TP63: variants seen among roughly 807,000 people sequenced by gnomAD.
The protein encoded by TP63 is tumor protein 63.
In TP63, 17 loss-of-function variants were observed where a neutral mutation model predicts 82.8. The observed-to-expected ratio is 0.21, with a 90% confidence interval of 0.14 to 0.31. The LOEUF (loss-of-function observed/expected upper bound fraction) is 0.31, where lower values mean the gene tolerates loss of function less well. TP63 is among the 10% of genes least tolerant of loss of function. The probability of loss-of-function intolerance (pLI) is 1.00; values close to 1 mark genes in which losing one functional copy is unlikely to be tolerated. For missense variants in TP63, 648 were observed against 895.3 expected, an observed-to-expected ratio of 0.72 and a Z score of 3.52; for synonymous variants, 330 against 321.7, an observed-to-expected ratio of 1.03 and a Z score of -0.28.
intron 10 of TP63, chr3:189,881,184 G>C: frequency 1.0e-6 from 1 of 982,572 alleles, no homozygotes; most frequent in Non-Finnish European, 1.2e-6. Context: ...GGAGACTTAC[G>C]TTTTGAGTAA....
chr3:189,870,028 C>A (rs574318379), intron 9 of TP63, among the ~76,000 whole-genome samples: 1 of 152,120 alleles, frequency 6.6e-6, no homozygotes, highest in African/African-American at 2.4e-5. Context: ...AAGCTAAACT[C>A]CTAACAGAAT....
chr3:189,675,903 A>G (rs1030884151), intron 1 of TP63, among the ~76,000 whole-genome samples: 13 of 151,982 alleles, frequency 8.6e-5, no homozygotes, highest in African/African-American at 3.1e-4. Flanking sequence ...CAGAATAAGC[A>G]TGTGCTCCCA....
At position 189,895,014 on chromosome 3, in the gene TP63, T is replaced by C. The variant is rs566575979; in HGVS notation, c.*512T>C. The C allele has an allele frequency of 1.2e-4, 26 of 220,674 alleles. No homozygotes were observed. Among genetic ancestry groups the C allele is most frequent in the African/African-American group, 5.6e-4 (25 of 44,596 alleles). 13.7% of individuals were successfully genotyped at this position (220,674 alleles called of 1,614,324 possible). A position where few individuals can be genotyped will look rare whatever the true frequency, so the allele number is the denominator to read the frequency against. ...GGGGTATCATGTATGGTGATAGGTATCTAGAGCTTAATGCTACATGTGAGT... is the reference window on the plus strand; with the variant it reads ...GGGGTATCATGTATGGTGATAGGTACCTAGAGCTTAATGCTACATGTGAGT... On this transcript the variant is annotated 3_prime_UTR_variant, in exon 14 of 14. Coordinates refer to ENST00000264731, the MANE Select transcript of TP63 (RefSeq NM_003722.5).
intron 1 of TP63, among the ~76,000 whole-genome samples, chr3:189,716,184 T>G (rs557344396): frequency 2.0e-5 from 3 of 152,358 alleles, no homozygotes; most frequent in South Asian, 4.1e-4. Context: ...CAGTGCTCAA[T>G]GCATCCGTTA....
At chr3:189,791,394 A>C (rs1055734613) in intron 3 of TP63, among the ~76,000 whole-genome samples, 1 of 152,134 alleles carries the variant, frequency 6.6e-6, no homozygotes, top group Non-Finnish European at 1.5e-5. Flanking sequence ...AAGCAATTGC[A>C]TTAATGTTGT....
chr3:189,701,036 A>G (rs1717761441), intron 1 of TP63, among the ~76,000 whole-genome samples: 1 of 152,208 alleles, frequency 6.6e-6, no homozygotes. Context: ...AGAAAGGATC[A>G]TTTAATATTT....
intron 3 of TP63, among the ~76,000 whole-genome samples, chr3:189,767,295 A>C (rs1310401867): frequency 6.6e-6 from 1 of 152,168 alleles, no homozygotes; most frequent in Non-Finnish European, 1.5e-5. Flanking sequence ...AGAAAAAAAA[A>C]CATGAACAGT....
intron 1 of TP63, among the ~76,000 whole-genome samples, chr3:189,666,336 T>C (rs896767485): frequency 6.6e-6 from 1 of 152,096 alleles, no homozygotes; most frequent in African/African-American, 2.4e-5. Context: ...TTTGACATTC[T>C]ACTATCATTC....
intron 1 of TP63, among the ~76,000 whole-genome samples, chr3:189,690,213 C>A (rs1222390966): frequency 1.3e-5 from 2 of 152,140 alleles, no homozygotes; most frequent in Non-Finnish European, 2.9e-5. Flanking sequence ...TGGGAAAAAT[C>A]ATCTACAAAT....
intron 3 of TP63, among the ~76,000 whole-genome samples, chr3:189,776,118 G>A (rs554265854): frequency 3.9e-5 from 6 of 152,104 alleles, no homozygotes; most frequent in Non-Finnish European, 8.8e-5. Context: ...AAAAATAGTT[G>A]CAAAACATTG....
chr3:189,849,533 G>A (rs992176573), intron 4 of TP63, among the ~76,000 whole-genome samples: 5 of 152,046 alleles, frequency 3.3e-5, no homozygotes, highest in Non-Finnish European at 7.4e-5. Context: ...GATTGTTGCT[G>A]TGGTAATGTG....
intron 10 of TP63, among the ~76,000 whole-genome samples, chr3:189,877,418 A>G (rs1235783688): frequency 2.6e-5 from 4 of 152,010 alleles, no homozygotes; most frequent in African/African-American, 9.7e-5. Context: ...TTCTTTTTTC[A>G]TTTGTTAGTT....
In TP63 at chr3:189,631,537, T is replaced by C. The variant is rs1729455233; in HGVS notation, c.22T>C (p.Cys8Arg). The C allele has an allele frequency of 6.2e-7, 1 of 1,612,802 alleles. No individual in the cohort carries two copies. MNFETSR[C>R]ATLQYCPDPY... The stretch of plus-strand genomic sequence containing the variant: ...GGAAATGAATTTTGAAACTTCACGG[T>C]GTGCCACCCTACAGTACTGCCCTGA... Residue 8 changes from cysteine to arginine, a missense_variant, in exon 1 of 14, where the codon TGT (cysteine) becomes CGT (arginine). This residue lies in a region of TP63 where 182 missense variants were observed against 213.6 expected (regional missense o/e 0.85). Transcript: ENST00000264731.
intron 1 of TP63, among the ~76,000 whole-genome samples, chr3:189,710,859 C>A (rs1021616820): frequency 4.6e-5 from 7 of 152,162 alleles, no homozygotes; most frequent in African/African-American, 1.7e-4. Flanking sequence ...GTGATGTCTA[C>A]AAATCACAGC....
intron 4 of TP63, among the ~76,000 whole-genome samples, chr3:189,837,184 C>G (rs1713278722): frequency 6.6e-6 from 1 of 151,070 alleles, no homozygotes; most frequent in Non-Finnish European, 1.5e-5. Context: ...TGCCCTGTCT[C>G]CTGCTACTTC....
chr3:189,790,500 G>A (rs1576961790), intron 3 of TP63, among the ~76,000 whole-genome samples: 1 of 151,898 alleles, frequency 6.6e-6, no homozygotes, highest in Non-Finnish European at 1.5e-5. Context: ...TAGCATACAG[G>A]ATTTTATTTA....
chr3:189,689,754 T>C (rs1716766920), intron 1 of TP63, among the ~76,000 whole-genome samples: 1 of 152,206 alleles, frequency 6.6e-6, no homozygotes, highest in Non-Finnish European at 1.5e-5. Context: ...CTTAAGGCCA[T>C]ACATAAGAGG....
At chr3:189,872,400 AACAC>A (rs60097753) in intron 9 of TP63, among the ~76,000 whole-genome samples, 44,198 of 146,904 alleles carry the variant, frequency 0.3, 6,796 homozygotes, top group African/African-American at 0.41. Context: ...AAGTTTCTCT[AACAC>A]ACACACACAC....
chr3:189,697,701 A>G (rs1475468248), intron 1 of TP63, among the ~76,000 whole-genome samples: 3 of 152,028 alleles, frequency 2.0e-5, no homozygotes, highest in Non-Finnish European at 4.4e-5. Flanking sequence ...ACATATCTCT[A>G]TTTATTTAGA....
Sources: gnomAD v4.1 joint callset for allele counts (sites outside exome capture counted in the v4.1 genomes callset) on GRCh38, gnomAD v4.1.1 for gene constraint, gnomAD v4.1.1 regional missense constraint, MANE v1.5 for transcripts, NCBI Gene and HGNC (gene_info 2026-07-23, HGNC 2026-07-21) for gene names.